The following TREX2 variants were observed in gnomAD, a reference collection of about 807,000 sequenced individuals.
The protein encoded by TREX2 is 3'-5' exonuclease TREX2 long form.
For missense variants in TREX2, 242 were observed against 235.3 expected, an observed-to-expected ratio of 1.03 and a Z score of -0.19; for synonymous variants, 121 against 112.1, an observed-to-expected ratio of 1.08 and a Z score of -0.50.
At position 153,444,708 on chromosome X, in the gene TREX2, T is replaced by A. The variant is rs782541561; in HGVS notation, c.*12A>T. 3 of 1,172,837 alleles carry A rather than the reference T, an allele frequency of 2.6e-6. No homozygotes were observed. Among genetic ancestry groups the A allele is most frequent in the East Asian group, 6.2e-5 (2 of 32,098 alleles). On this transcript the variant is annotated 3_prime_UTR_variant, in exon 2 of 2. Transcript: ENST00000370231. ...CTGGCACTGTCCATGGCACAGGAGGTGGCCCTGGTGCTCAGGCCTCCAGGC... is the reference window on the plus strand; with the variant it reads ...CTGGCACTGTCCATGGCACAGGAGGAGGCCCTGGTGCTCAGGCCTCCAGGC...
Position 153,444,654 on chromosome X carries a change from G to A in TREX2, c.*66C>T. 3 of 1,113,734 alleles carry A rather than the reference G, an allele frequency of 2.7e-6. No homozygotes were observed. Among genetic ancestry groups the A allele is most frequent in the Non-Finnish European group, 3.6e-6 (3 of 830,429 alleles). 91.8% of individuals were successfully genotyped at this position (1,113,734 alleles called of 1,213,427 possible). On this transcript the variant is annotated 3_prime_UTR_variant, in exon 2 of 2. Coordinates refer to ENST00000370231, the MANE Select transcript of TREX2 (RefSeq NM_080701.4). ...GGCTGCCCAGATAGGAGGAGCCGGG[G>A]GTGGTAGAGGCCAGCTGAACGGTGG...
chrX:153,445,565 G>T, intron 1 of TREX2, 70 bp from the exon 2 acceptor site: 1 of 666,719 alleles, frequency 1.5e-6, no homozygotes, highest in Non-Finnish European at 2.3e-6. Context: ...TGACCCTTCT[G>T]GGGCTCACTT....
In TREX2 at chrX:153,444,985, G is replaced by A. The variant is rs781837494; in HGVS notation, c.446C>T (p.Pro149Leu). ...PRDTVCLDTL[P>L]ALRGLDRAHS... ...GGCGCGGTCCAGGCCCCGCAGGGCC[G>A]GCAGCGTGTCCAGGCAGACAGTGTC... The change falls in exon 2 of 2, where the codon CCG (proline) becomes CTG (leucine). Residue 149 changes from proline (P) to leucine (L), a missense_variant. Physicochemically the swap from Pro to Leu is moderately conservative, Grantham distance 98. Coordinates refer to ENST00000370231, the MANE Select transcript of TREX2 (RefSeq NM_080701.4). 24 of 1,177,293 alleles carry A rather than the reference G, an allele frequency of 2.0e-5. No individual in the cohort carries two copies. The East Asian group carries it at 2.2e-4, about 11-fold the overall frequency.
chrX:153,445,290 CTCG>C lies in TREX2; in HGVS notation c.138_140del (p.Asp46del). The stretch of plus-strand genomic sequence containing the variant: ...CCCGGGGCAATACTAGGGCACCAGA[CTCG>C]TCGTGCTCCGGGTTCTCCAGGGAGG... On this transcript the variant is annotated inframe_deletion, in exon 2 of 2. Coordinates refer to ENST00000370231, the MANE Select transcript of TREX2 (RefSeq NM_080701.4). 3 of 1,202,682 alleles carry C rather than the reference CTCG, an allele frequency of 2.5e-6. No individual in the cohort carries two copies. Among genetic ancestry groups the C allele is most frequent in the South Asian group, 3.6e-5 (2 of 55,501 alleles).
chrX:153,445,557 ACCCTTC>A, intron 1 of TREX2, 62 bp from the exon 2 acceptor site: 2 of 717,064 alleles, frequency 2.8e-6, no homozygotes, highest in Admixed American at 2.7e-5. Flanking sequence ...CAAAGCTCTG[ACCCTTC>A]TGGGGCTCAC....
chrX:153,444,719 C>A lies in TREX2; in HGVS notation c.*1G>T. On this transcript the variant is annotated 3_prime_UTR_variant, in exon 2 of 2. Coordinates refer to ENST00000370231, the MANE Select transcript of TREX2 (RefSeq NM_080701.4). ...CATGGCACAGGAGGTGGCCCTGGTGCTCAGGCCTCCAGGCTGGGGTCATCA... is the reference window on the plus strand; with the variant it reads ...CATGGCACAGGAGGTGGCCCTGGTGATCAGGCCTCCAGGCTGGGGTCATCA... 1 of 1,182,012 alleles carries A rather than the reference C, an allele frequency of 8.5e-7. No individual in the cohort carries two copies. The highest frequency in any genetic ancestry group is 3.1e-5 in the East Asian group (1 of 32,618).
rs1482574368 is a variant in TREX2, at chrX:153,445,398, G to A, written c.33C>T (p.Val11=). 5.2e-6 allele frequency: 6 copies of A among 1,155,383 alleles called. No homozygotes were observed. The African/African-American group carries it at 9.0e-5, about 17-fold the overall frequency. MSEAPRAETF[V]FLDLEATGLP... is the part of the protein sequence containing the mutation. ...GCCCAGTGGCTTCCAGGTCCAGGAA[G>A]ACAAAGGTCTCGGCCCGGGGTGCCT... Residue 11 remains valine (V), a synonymous_variant, in exon 2 of 2, where the codon GTC becomes GTT. Transcript: ENST00000370231.
chrX:153,444,804 G>A lies in TREX2; in HGVS notation c.627C>T (p.Leu209=). ...CACGGGCCTGCTCATCGGCCCAGGC[G>A]AGCAGCTCTGCGGCGCGGTGCAGGA... ...LIFLHRAAEL[L]AWADEQARGW... is the part of the protein sequence containing the mutation. The change falls in exon 2 of 2, where the codon CTC becomes CTT. Residue 209 remains leucine (L), a synonymous_variant. Transcript: ENST00000370231. 4.2e-6 allele frequency: 5 copies of A among 1,198,560 alleles called. No individual in the cohort carries two copies. The highest frequency in any genetic ancestry group is 3.0e-5 in the East Asian group (1 of 33,318).
chrX:153,444,578 C>T lies in TREX2; in HGVS notation c.*142G>A. On this transcript the variant is annotated 3_prime_UTR_variant, in exon 2 of 2. Transcript: ENST00000370231. ...CGGGGCCTGGAGAGGAATCCAGGGC[C>T]GTATGGCTGGTCAGGCAGCCAGGGA... 1 of 652,899 alleles carries T rather than the reference C, an allele frequency of 1.5e-6. No individual in the cohort carries two copies. Among genetic ancestry groups the T allele is most frequent in the African/African-American group, 2.2e-5 (1 of 46,403 alleles). 53.8% of individuals were successfully genotyped at this position (652,899 alleles called of 1,213,427 possible). A position where few individuals can be genotyped will look rare whatever the true frequency, so the allele number is the denominator to read the frequency against.
At position 153,444,931 on chromosome X, in the gene TREX2, C is replaced by T. The variant is rs983833074; in HGVS notation, c.500G>A (p.Arg167His). Reference protein sequence around the residue: ...AHSHGTRARGRQGYSLGSLFH... With the variant: ...AHSHGTRARGHQGYSLGSLFH... ...GAGGCTGCCGAGGCTGTAACCCTGG[C>T]GGCCCCGGGCCCGGGTGCCGTGGCT... is the stretch of plus-strand genomic sequence containing the variant. The change falls in exon 2 of 2, where the codon CGC (arginine) becomes CAC (histidine). Residue 167 changes from arginine (R) to histidine (H), a missense_variant. By Grantham distance (29) the Arg-to-His change is conservative (BLOSUM62 0). Transcript: ENST00000370231. 1.6e-5 allele frequency: 19 copies of T among 1,194,003 alleles called. No homozygotes were observed. The highest frequency in any genetic ancestry group is 2.3e-5 in the Admixed American group (1 of 43,853).
At position 153,444,541 on chromosome X, in the gene TREX2, C is replaced by T. The variant is rs1036529537; in HGVS notation, c.*179G>A. 4.4e-5 allele frequency among the ~76,000 whole-genome samples: 5 copies of T among 112,964 alleles called. No individual in the cohort carries two copies. The Admixed American group carries it at 4.6e-4, about 10-fold the overall frequency. On this transcript the variant is annotated 3_prime_UTR_variant, in exon 2 of 2. Coordinates refer to ENST00000370231, the MANE Select transcript of TREX2 (RefSeq NM_080701.4). ...GGCACCCAGGCCAGCCGGGAGAGCA[C>T]GGCCCTGGAAGCGGGGCCTGGAGAG... is the stretch of plus-strand genomic sequence containing the variant.
At position 153,444,734 on chromosome X, in the gene TREX2, T is replaced by C. The variant is rs782526376; in HGVS notation, c.697A>G (p.Ser233Gly). The C allele has an allele frequency of 8.4e-7, 1 of 1,188,821 alleles. No homozygotes were observed. The highest frequency in any genetic ancestry group is 2.4e-5 in the Admixed American group (1 of 41,601). Residue 233 changes from serine to glycine, a missense_variant, in exon 2 of 2, where the codon AGC becomes GGC. Coordinates refer to ENST00000370231, the MANE Select transcript of TREX2 (RefSeq NM_080701.4). ...EPMYLPPDDP[S>G]LEA ...GGCCCTGGTGCTCAGGCCTCCAGGC[T>C]GGGGTCATCAGGCGGCAAGTACATG...
rs1556979214 is a variant in TREX2 at position 153,444,802 on chromosome X, G to A, written c.629C>T (p.Ala210Val). The A allele has an allele frequency of 8.4e-7, 1 of 1,197,554 alleles. No individual in the cohort carries two copies. Among genetic ancestry groups the A allele is most frequent in the Non-Finnish European group, 1.1e-6 (1 of 889,618 alleles). Residue 210 changes from alanine (A) to valine (V), a missense_variant, in exon 2 of 2, where the codon GCC (alanine) becomes GTC (valine). Coordinates refer to ENST00000370231, the MANE Select transcript of TREX2 (RefSeq NM_080701.4). Reference sequence around the variant, plus strand: ...CCCACGGGCCTGCTCATCGGCCCAGGCGAGCAGCTCTGCGGCGCGGTGCAG... The same window carrying A: ...CCCACGGGCCTGCTCATCGGCCCAGACGAGCAGCTCTGCGGCGCGGTGCAG... ...IFLHRAAELL[A>V]WADEQARGWA...
chrX:153,445,833 G>A (rs960784887), intron 1 of TREX2, among the ~76,000 whole-genome samples, 176 bp downstream of exon 1: 4 of 112,787 alleles, frequency 3.5e-5, no homozygotes, highest in African/African-American at 3.2e-5. Context: ...ACCAGCTGCC[G>A]GGAAGCAGGC....
rs1389531339 is a variant in TREX2, at chrX:153,446,027, G to A, written c.-84C>T. ...AGCTTACCTGGGGCGGGCACTGACC[G>A]GCTTCCTGGGCTTCTGGGCACCTGT... On this transcript the variant is annotated 5_prime_UTR_variant, in exon 1 of 2. Coordinates refer to ENST00000370231, the MANE Select transcript of TREX2 (RefSeq NM_080701.4). The A allele has an allele frequency of 1.7e-5, 2 of 121,209 alleles. No homozygotes were observed. The highest frequency in any genetic ancestry group is 3.4e-5 in the Non-Finnish European group (2 of 58,329). 10.0% of individuals were successfully genotyped at this position (121,209 alleles called of 1,213,427 possible). A position where few individuals can be genotyped will look rare whatever the true frequency, so the allele number is the denominator to read the frequency against.
At position 153,445,416 on chromosome X, in the gene TREX2, G is replaced by T. The variant is rs1338047454; in HGVS notation, c.15C>A (p.Pro5=). The change falls in exon 2 of 2, where the codon CCC becomes CCA. Residue 5 remains proline (P), a synonymous_variant. Transcript: ENST00000370231. ...CCAGGAAGACAAAGGTCTCGGCCCG[G>T]GGTGCCTCGGACATGGTGATGTTCC... MSEA[P]RAETFVFLDL... 2 of 1,131,348 alleles carry T rather than the reference G, an allele frequency of 1.8e-6. No individual in the cohort carries two copies. The highest frequency in any genetic ancestry group is 3.0e-5 in the Admixed American group (1 of 32,883). The allele number at this position is 1,131,348 out of a possible 1,213,427, so 93.2% of individuals were successfully genotyped here. A position where few individuals can be genotyped will look rare whatever the true frequency, so the allele number is the denominator to read the frequency against.
chrX:153,445,242 G>A lies in TREX2; in HGVS notation c.189C>T (p.Cys63=). ...CAGTGAAGGGGCGCTCCGGGCACAT[G>A]CACAGCGTGAGCTTGTCCAGGACCC... is the stretch of plus-strand genomic sequence containing the variant. ...LPRVLDKLTL[C]MCPERPFTAK... The change falls in exon 2 of 2, where the codon TGC becomes TGT. Residue 63 remains cysteine, a synonymous_variant. Transcript: ENST00000370231. 1 of 1,201,772 alleles carries A rather than the reference G, an allele frequency of 8.3e-7. No homozygotes were observed. The highest frequency in any genetic ancestry group is 1.1e-6 in the Non-Finnish European group (1 of 889,393).
chrX:153,445,731 T>C lies in TREX2; in HGVS notation c.-65-236A>G. The C allele has an allele frequency of 1.3e-5, 6 of 474,191 alleles. No individual in the cohort carries two copies. In the South Asian group the frequency reaches 1.7e-4, roughly 14 times the overall value. The allele number at this position is 474,191 out of a possible 1,213,427, so 39.1% of individuals were successfully genotyped here. A position where few individuals can be genotyped will look rare whatever the true frequency, so the allele number is the denominator to read the frequency against. The stretch of plus-strand genomic sequence containing the variant: ...AGGGATTGGGAGAGGCAGAGGCAGC[T>C]CAGGGACCGCACCTTGGCGGGGTCC... On this transcript the variant is annotated intron_variant, in intron 1 of 1. Transcript: ENST00000370231.
Position 153,445,305 on chromosome X carries a change from G to C in TREX2, c.126C>G (p.Asn42Lys). 1 of 1,205,674 alleles carries C rather than the reference G, an allele frequency of 8.3e-7. No homozygotes were observed. Among genetic ancestry groups the C allele is most frequent in the Non-Finnish European group, 1.1e-6 (1 of 891,898 alleles). The change falls in exon 2 of 2, where the codon AAC (asparagine) becomes AAG (lysine). Residue 42 changes from asparagine to lysine, a missense_variant. Asn to Lys is a moderately conservative substitution (Grantham distance 94). Coordinates refer to ENST00000370231, the MANE Select transcript of TREX2 (RefSeq NM_080701.4). ...LFAVHRSSLE[N>K]PEHDESGALV... ...GGGCACCAGACTCGTCGTGCTCCGGGTTCTCCAGGGAGGAGCGGTGGACAG... is the reference window on the plus strand; with the variant it reads ...GGGCACCAGACTCGTCGTGCTCCGGCTTCTCCAGGGAGGAGCGGTGGACAG...
Sources: allele counts gnomAD v4.1 joint callset (sites outside exome capture counted in the v4.1 genomes callset), GRCh38; gene constraint gnomAD v4.1.1; transcripts MANE v1.5; gene names NCBI Gene and HGNC (gene_info 2026-07-23, HGNC 2026-07-21).